Variants in LOXHD1 observed in about 807,000 individuals in gnomAD.
The protein encoded by LOXHD1 is lipoxygenase homology domain-containing protein 1.
LOXHD1 carries 205 observed loss-of-function variants against 248.2 expected under a neutral mutation model. The observed-to-expected ratio is 0.83, with a 90% CI of 0.74 to 0.93. The LOEUF (loss-of-function observed/expected upper bound fraction) is 0.93. LOXHD1 is among the 40% of genes least tolerant of loss of function. The pLI, the probability that LOXHD1 is intolerant of heterozygous loss-of-function variation, is 0.00. For synonymous variants in LOXHD1, 1,113 were observed against 1,162.8 expected, an observed-to-expected ratio of 0.96 and a Z score of 0.87; for missense variants, 2,930 against 2,971.6, an observed-to-expected ratio of 0.99 and a Z score of 0.33.
At chr18:46,582,785 G>A (rs2037987515) in intron 12 of LOXHD1, among the ~76,000 whole-genome samples, 1 of 152,170 alleles carries the variant, frequency 6.6e-6, no homozygotes, top group Non-Finnish European at 1.5e-5. Flanking sequence ...GAGTTCTTGG[G>A]AGAGCTTGGC....
At chr18:46,587,245 G>C (rs778466993) in intron 12 of LOXHD1, among the ~76,000 whole-genome samples, 1 of 152,192 alleles carries the variant, frequency 6.6e-6, no homozygotes, top group Non-Finnish European at 1.5e-5. Context: ...ATGGTCCAAC[G>C]TATCAACAGT....
chr18:46,598,545 C>T (rs1297978044), intron 8 of LOXHD1, among the ~76,000 whole-genome samples: 1 of 151,430 alleles, frequency 6.6e-6, no homozygotes, highest in South Asian at 2.1e-4. Context: ...AATTTGACTT[C>T]CTACAGAAAA....
chr18:46,477,518 T>C lies in LOXHD1; in HGVS notation c.6776A>G (p.Lys2259Arg), dbSNP rs751068018. The change falls in exon 41 of 41, where the codon AAG (lysine) becomes AGG (arginine). Residue 2259 changes from lysine to arginine, a missense_variant. Transcript: ENST00000642948. ...TCTCCAGGTGAGTCCATCCCCCCGC[T>C]TCTTGTCCAGCCACCTGCCACAGTT... ...IFNCGRWLDK[K>R]RGDGLTWRDL... 6.4e-7 allele frequency: 1 copy of C among 1,551,138 alleles called. No homozygotes were observed. Among genetic ancestry groups the C allele is most frequent in the South Asian group, 1.2e-5 (1 of 84,044 alleles).
intron 21 of LOXHD1, among the ~76,000 whole-genome samples, chr18:46,554,532 G>A (rs2037240839): frequency 6.6e-6 from 1 of 152,176 alleles, no homozygotes; most frequent in African/African-American, 2.4e-5. Flanking sequence ...TTTGCATAGA[G>A]TTGCTCTTGG....
intron 40 of LOXHD1, among the ~76,000 whole-genome samples, chr18:46,481,049 G>T (rs1355634913): frequency 2.6e-5 from 4 of 152,208 alleles, no homozygotes; most frequent in Non-Finnish European, 4.4e-5. Flanking sequence ...ATAGCTGTGA[G>T]ATGGACATTT....
chr18:46,608,084 G>GGAAGGAAA (rs2038448892), intron 6 of LOXHD1, among the ~76,000 whole-genome samples: 1 of 146,528 alleles, frequency 6.8e-6, no homozygotes, highest in African/African-American at 2.6e-5. Context: ...AAGGAAGGGA[G>GGAAGGAAA]GAAGGAAGGG....
At chr18:46,606,118 G>A (rs2038409259) in intron 6 of LOXHD1, among the ~76,000 whole-genome samples, 1 of 152,042 alleles carries the variant, frequency 6.6e-6, no homozygotes, top group Non-Finnish European at 1.5e-5. Context: ...ACAATGAAAA[G>A]GCAATCAGAT....
chr18:46,507,369 G>A (rs1039429688), intron 36 of LOXHD1, among the ~76,000 whole-genome samples, 169 bp downstream of exon 36: 8 of 152,222 alleles, frequency 5.3e-5, no homozygotes, highest in African/African-American at 1.9e-4. Context: ...TCCCTGGGAG[G>A]AGATGCTTTG....
At position 46,507,562 on chromosome 18, in the gene LOXHD1, C is replaced by A; in HGVS notation, c.5668G>T (p.Ala1890Ser). 6.4e-7 allele frequency: 1 copy of A among 1,551,696 alleles called. No individual in the cohort carries two copies. Among genetic ancestry groups the A allele is most frequent in the Non-Finnish European group, 8.7e-7 (1 of 1,146,964 alleles). Residue 1890 changes from alanine (A) to serine (S), a missense_variant, in exon 36 of 41, where the codon GCA becomes TCA. Ala to Ser is a moderately conservative substitution (Grantham distance 99, BLOSUM62 1). Coordinates refer to ENST00000642948, the MANE Select transcript of LOXHD1 (RefSeq NM_001384474.1). ...CCCAGGATGTCGCTGGTCTTAACTG[C>A]GACGGTGTAGGAGGTCCACTCCATC... ...EMMEWTSYTV[A>S]VKTSDILGAG...
intron 1 of LOXHD1, 116 bp from the exon 2 acceptor site, chr18:46,649,385 C>T (rs996263939): frequency 2.5e-6 from 2 of 803,948 alleles, no homozygotes; most frequent in Admixed American, 4.8e-5. Flanking sequence ...CTCTTGGAAT[C>T]CCTGCTGCAT....
At chr18:46,526,822 AG>A (rs1424968957) in intron 29 of LOXHD1, among the ~76,000 whole-genome samples, 2 of 152,224 alleles carry the variant, frequency 1.3e-5, no homozygotes, top group Non-Finnish European at 2.9e-5. Flanking sequence ...GAGTGGAGAC[AG>A]GGCAGACTTG....
chr18:46,483,555 G>A, intron 40 of LOXHD1, 32 bp downstream of exon 40: 4 of 1,551,288 alleles, frequency 2.6e-6, no homozygotes, highest in Non-Finnish European at 3.5e-6. Flanking sequence ...CTGAGGGAGT[G>A]GCACTTCCTT....
In LOXHD1 at chr18:46,604,175, A is replaced by G; in HGVS notation, c.814T>C (p.Trp272Arg). Residue 272 changes from tryptophan to arginine, a missense_variant, in exon 7 of 41, where the codon TGG becomes CGG. By Grantham distance (101) the Trp-to-Arg change is moderately radical (BLOSUM62 -3). Transcript: ENST00000642948. ...KRKYDFPLNRWLALDEDDGKI... is the reference protein window; with the variant it reads ...KRKYDFPLNRRLALDEDDGKI... Reference sequence around the variant, plus strand: ...CCATCGTCTTCGTCCAAGGCCAGCCAGCGGTTAAGGGGGAAGTCATATTTT... The same window carrying G: ...CCATCGTCTTCGTCCAAGGCCAGCCGGCGGTTAAGGGGGAAGTCATATTTT... 6.4e-7 allele frequency: 1 copy of G among 1,551,744 alleles called. No homozygotes were observed. Among genetic ancestry groups the G allele is most frequent in the East Asian group, 2.4e-5 (1 of 40,926 alleles).
chr18:46,497,938 A>G (rs1953013906), intron 37 of LOXHD1, among the ~76,000 whole-genome samples: 1 of 152,208 alleles, frequency 6.6e-6, no homozygotes, highest in South Asian at 2.1e-4. Flanking sequence ...GTCACAAGGC[A>G]GAGGTCACAA....
chr18:46,560,048 T>TCCCGA, intron 19 of LOXHD1, 35 bp downstream of exon 19: 2 of 1,226,298 alleles, frequency 1.6e-6, no homozygotes, highest in Non-Finnish European at 1.1e-6. Flanking sequence ...GTCTGGCCAC[T>TCCCGA]CCCTCCCCAC....
intron 40 of LOXHD1, among the ~76,000 whole-genome samples, chr18:46,481,327 C>G (rs1050039512): frequency 6.6e-6 from 1 of 152,134 alleles, no homozygotes; most frequent in Admixed American, 6.5e-5. Context: ...CCACTGAGAA[C>G]TGCAGGCGAC....
At chr18:46,578,872 G>A (rs566446043) in intron 13 of LOXHD1, among the ~76,000 whole-genome samples, 20 of 152,286 alleles carry the variant, frequency 1.3e-4, no homozygotes, top group African/African-American at 4.8e-4. Context: ...CCCCATTTCA[G>A]GCATGAGGAA....
intron 37 of LOXHD1, among the ~76,000 whole-genome samples, chr18:46,496,243 G>A (rs1265063866): frequency 6.6e-6 from 1 of 152,114 alleles, no homozygotes; most frequent in East Asian, 1.9e-4. Flanking sequence ...TTGAACTTGG[G>A]TGATTGCTAT....
intron 6 of LOXHD1, among the ~76,000 whole-genome samples, chr18:46,606,520 A>G (rs960995156): frequency 2.6e-4 from 39 of 152,210 alleles, no homozygotes; most frequent in African/African-American, 9.2e-4. Context: ...CATGTAAAAA[A>G]TTATTGACTG....
Sources: gnomAD v4.1 joint callset for allele counts (sites outside exome capture counted in the v4.1 genomes callset) on GRCh38, gnomAD v4.1.1 for gene constraint, MANE v1.5 for transcripts, NCBI Gene and HGNC (gene_info 2026-07-23, HGNC 2026-07-21) for gene names.